Variants in SIL1 observed in about 807,000 individuals in gnomAD.
SIL1 encodes the protein nucleotide exchange factor SIL1.
In SIL1, 40 loss-of-function variants were observed where a neutral mutation model predicts 49.1. The ratio of observed to expected loss-of-function variants is 0.81; its 90% CI spans 0.63 to 1.06. The LOEUF (loss-of-function observed/expected upper bound fraction) is 1.06. SIL1 is among the 50% of genes least tolerant of loss of function. SIL1 has a pLI of 0.00. For synonymous variants in SIL1, 253 were observed against 250.8 expected (o/e 1.01, Z -0.08); for missense variants, 500 against 572.6 (o/e 0.87, Z 1.29).
Position 138,997,440 on chromosome 5 carries a change from C to T in SIL1, c.767+23731G>A, listed in dbSNP as rs141064750. Among the ~76,000 whole-genome samples the T allele has an allele frequency of 5.5e-4, 84 of 152,190 alleles. No homozygotes were observed. In the East Asian group the frequency reaches 0.014, roughly 25 times the overall value. On this transcript the variant is annotated intron_variant, in intron 7 of 9. Coordinates refer to ENST00000394817, the MANE Select transcript of SIL1 (RefSeq NM_022464.5). Reference sequence around the variant, plus strand: ...GTGCCTTTGTTAAAAATGGGTTGGCCGTAAATGTGTGGATTTACACCTGGG... The same window carrying T: ...GTGCCTTTGTTAAAAATGGGTTGGCTGTAAATGTGTGGATTTACACCTGGG...
chr5:139,054,684 A>G (rs983594535), intron 3 of SIL1, among the ~76,000 whole-genome samples: 1 of 152,188 alleles, frequency 6.6e-6, no homozygotes, highest in Non-Finnish European at 1.5e-5. Context: ...TTCAGAAGTA[A>G]TAGGTTATAG....
At chr5:139,082,466 A>C (rs1413826276) in intron 3 of SIL1, among the ~76,000 whole-genome samples, 1 of 152,180 alleles carries the variant, frequency 6.6e-6, no homozygotes, top group Admixed American at 6.5e-5. Context: ...GTCTCTCCCC[A>C]TGTGCTACAA....
intron 7 of SIL1, among the ~76,000 whole-genome samples, chr5:138,997,345 G>A (rs1336989216): frequency 6.6e-6 from 1 of 152,154 alleles, no homozygotes; most frequent in Admixed American, 6.5e-5. Context: ...TCATTCTTCT[G>A]CGTATGGTTA....
chr5:139,142,633 G>A (rs1450506421), intron 1 of SIL1, among the ~76,000 whole-genome samples: 2 of 151,838 alleles, frequency 1.3e-5, no homozygotes, highest in Non-Finnish European at 2.9e-5. Flanking sequence ...GAATAGAAAA[G>A]AACATCCTCA....
At chr5:139,023,271 G>C (rs1002078319) in intron 6 of SIL1, among the ~76,000 whole-genome samples, 5 of 152,136 alleles carry the variant, frequency 3.3e-5, no homozygotes, top group Non-Finnish European at 5.9e-5. Flanking sequence ...CATAGCCCAG[G>C]TCCACAGCTC....
At chr5:139,028,607 C>T (rs1182346742) in intron 5 of SIL1, among the ~76,000 whole-genome samples, 2 of 152,210 alleles carry the variant, frequency 1.3e-5, no homozygotes, top group South Asian at 2.1e-4. Flanking sequence ...CAGAGAGTGT[C>T]ATGTACCCTT....
chr5:139,119,188 CT>C (rs987356053), intron 3 of SIL1, among the ~76,000 whole-genome samples: 7 of 152,202 alleles, frequency 4.6e-5, no homozygotes, highest in African/African-American at 1.7e-4. Flanking sequence ...CTCCAGGAGT[CT>C]CTCAGAGTCC....
At position 139,050,959 on chromosome 5, in the gene SIL1, C is replaced by A. The variant is rs567676273; in HGVS notation, c.332G>T (p.Arg111Leu). The change falls in exon 4 of 10, where the codon CGA (arginine) becomes CTA (leucine). Residue 111 changes from arginine to leucine, a missense_variant. Transcript: ENST00000394817. ...GTACCTTTTGCCTTTCAAATTATTT[C>A]GGAACTTGTCCTCATATTGGAGTTT... ...EAKLQYEDKFRNNLKGKRLDI... is the reference protein window; with the variant it reads ...EAKLQYEDKFLNNLKGKRLDI... The A allele has an allele frequency of 3.7e-6, 6 of 1,614,152 alleles. No homozygotes were observed. The East Asian group carries it at 1.3e-4, about 36-fold the overall frequency.
intron 3 of SIL1, among the ~76,000 whole-genome samples, chr5:139,114,616 G>A (rs959922511): frequency 2.6e-5 from 4 of 152,144 alleles, no homozygotes; most frequent in Non-Finnish European, 5.9e-5. Flanking sequence ...GGAGGGACCA[G>A]AAGTATAGGT....
intron 7 of SIL1, among the ~76,000 whole-genome samples, chr5:138,982,373 GC>G (rs1767546429): frequency 6.6e-6 from 1 of 152,230 alleles, no homozygotes; most frequent in Non-Finnish European, 1.5e-5. Context: ...AGGGTGGGCA[GC>G]ATCTGCCCCT....
chr5:138,997,389 T>C (rs913570573), intron 7 of SIL1, among the ~76,000 whole-genome samples: 1 of 152,226 alleles, frequency 6.6e-6, no homozygotes, highest in African/African-American at 2.4e-5. Context: ...TTGAAGAGAC[T>C]GTCCTTTGCC....
rs181103435 is a variant in SIL1 at position 139,163,373 on chromosome 5, G to T, written c.-11+34896C>A. Among the ~76,000 whole-genome samples, 917 of 151,060 alleles carry T rather than the reference G, an allele frequency of 6.1e-3. 4 individuals are homozygous for T. Among genetic ancestry groups the T allele is most frequent in the Non-Finnish European group, 6.7e-3 (456 of 67,650 alleles). On this transcript the variant is annotated intron_variant, in intron 1 of 9. Transcript: ENST00000394817. ...GCTTCACTGTTTTGTTTTTTTTTCG[G>T]TTTTTTCTTTTGTGGAGACAAGGTA...
At chr5:139,176,967 C>G (rs1751897188) in intron 1 of SIL1, among the ~76,000 whole-genome samples, 1 of 126,294 alleles carries the variant, frequency 7.9e-6, no homozygotes. Flanking sequence ...GAGTCTCACT[C>G]TGTCGCCCAG....
At chr5:139,140,200 G>A (rs1350494893) in intron 1 of SIL1, among the ~76,000 whole-genome samples, 1 of 152,022 alleles carries the variant, frequency 6.6e-6, no homozygotes, top group African/African-American at 2.4e-5. Flanking sequence ...AGCCTGGGAG[G>A]CGGAGGTTGC....
intron 2 of SIL1, among the ~76,000 whole-genome samples, chr5:139,123,881 A>C (rs1013720154): frequency 1.3e-5 from 2 of 152,232 alleles, no homozygotes; most frequent in Non-Finnish European, 1.5e-5. Flanking sequence ...AGGCCAAACT[A>C]AAATATCTAA....
intron 7 of SIL1, among the ~76,000 whole-genome samples, chr5:138,985,730 A>G (rs889232606): frequency 6.6e-6 from 1 of 152,198 alleles, no homozygotes; most frequent in African/African-American, 2.4e-5. Context: ...CAGACTCCTG[A>G]GTTCAGGACT....
chr5:139,163,781 TA>T (rs1359371099), intron 1 of SIL1, among the ~76,000 whole-genome samples: 3 of 152,224 alleles, frequency 2.0e-5, no homozygotes, highest in Admixed American at 1.3e-4. Context: ...TTTTGCCATT[TA>T]AAATTGCAAT....
chr5:139,188,461 G>C (rs769696454), intron 1 of SIL1, among the ~76,000 whole-genome samples: 14 of 152,132 alleles, frequency 9.2e-5, no homozygotes, highest in Non-Finnish European at 1.9e-4. Context: ...AGAGAAGTGA[G>C]GCATGGTCTA....
In SIL1 at chr5:138,947,228, C is replaced by T. The variant is rs1473568136; in HGVS notation, c.1275G>A (p.Leu425=). 7.4e-6 allele frequency: 12 copies of T among 1,612,878 alleles called. No individual in the cohort carries two copies. The highest frequency in any genetic ancestry group is 2.7e-5 in the African/African-American group (2 of 74,914). The change falls in exon 10 of 10, where the codon CTG becomes CTA. Residue 425 remains leucine (L), a synonymous_variant. Transcript: ENST00000394817. This position sits in a 1 kb window ranked among gnomAD's most constrained non-coding sequence, Gnocchi z 4.1. ...TGGCCAGCACCTGGTACTCAGCCTG[C>T]AGGCTGGCCAGTGTCCTGCCGAGCT... ...DPQLGRTLAS[L]QAEYQVLASL...
Sources: allele counts gnomAD v4.1 joint callset (sites outside exome capture counted in the v4.1 genomes callset), GRCh38; gene constraint gnomAD v4.1.1; non-coding constraint Gnocchi (gnomAD v3.1); transcripts MANE v1.5; gene names NCBI Gene and HGNC (gene_info 2026-07-23, HGNC 2026-07-21).